ZNF24: variants seen among roughly 807,000 people sequenced by gnomAD.
ZNF24 encodes retinoic acid suppression protein A.
In ZNF24, 11 loss-of-function variants were observed where a neutral mutation model predicts 40.9. That is an observed-to-expected ratio of 0.27 (90% confidence interval 0.17 to 0.45). The LOEUF is 0.45. Ranked by LOEUF, ZNF24 falls within the 20% of genes least tolerant of loss-of-function variation. The pLI is 1.00. For synonymous variants in ZNF24, 139 were observed against 154.7 expected, an observed-to-expected ratio of 0.90 and a Z score of 0.75; for missense variants, 293 against 437.7, an observed-to-expected ratio of 0.67 and a Z score of 2.95.
At position 35,340,559 on chromosome 18, in the gene ZNF24, T is replaced by G; in HGVS notation, c.92A>C (p.Asp31Ala). The stretch of plus-strand genomic sequence containing the variant: ...ACTTGATCCCTCTTCGCCATCAGGA[T>G]CCTCCTCCAACTTCACTCTCAGAAT... ...EKILRVKLEE[D>A]PDGEEGSSIP... The change falls in exon 2 of 4, where the codon GAT becomes GCT. Residue 31 changes from aspartate (D) to alanine (A), a missense_variant. By Grantham distance (126) the Asp-to-Ala change is moderately radical (BLOSUM62 -2). Transcript: ENST00000261332. This position sits in a 1 kb window ranked among gnomAD's most constrained non-coding sequence, Gnocchi z 4.6. 6.2e-7 allele frequency: 1 copy of G among 1,614,220 alleles called. No individual in the cohort carries two copies. Among genetic ancestry groups the G allele is most frequent in the Non-Finnish European group, 8.5e-7 (1 of 1,180,046 alleles).
chr18:35,339,013 C>T, intron 3 of ZNF24: 1 of 1,535,408 alleles, frequency 6.5e-7, no homozygotes, highest in South Asian at 1.2e-5. Flanking sequence ...TGAAGAAAAC[C>T]TGCTCAGACC....
chr18:35,340,703 G>C lies in ZNF24; in HGVS notation c.-53C>G. ...CAACTGAGGCAGAATATAAGCCTCA[G>C]GGCAATACCCCGTTTTCTTCACAGG... On this transcript the variant is annotated 5_prime_UTR_variant, in exon 2 of 4. Coordinates refer to ENST00000261332, the MANE Select transcript of ZNF24 (RefSeq NM_006965.4). The surrounding 1 kb of genome is among the most constrained non-coding windows in gnomAD (Gnocchi z 4.6). The C allele has an allele frequency of 2.6e-6, 4 of 1,539,848 alleles. No individual in the cohort carries two copies. The highest frequency in any genetic ancestry group is 3.5e-6 in the Non-Finnish European group (4 of 1,140,538).
At position 35,336,545 on chromosome 18, in the gene ZNF24, TAG is replaced by T. The variant is rs369677711; in HGVS notation, c.*685_*686del. ...TCATTAGTAAGATGACTCCAAATTA[TAG>T]AGAGGATGAGTAGCTTTTGAATTTT... On this transcript the variant is annotated 3_prime_UTR_variant, in exon 4 of 4. Transcript: ENST00000261332. 20 of 152,326 alleles carry T rather than the reference TAG, an allele frequency of 1.3e-4. No individual in the cohort carries two copies. The South Asian group carries it at 1.4e-3, about 11-fold the overall frequency. The allele number at this position is 152,326 out of a possible 1,614,324, so 9.4% of individuals were successfully genotyped here.
intron 3 of ZNF24, chr18:35,338,318 G>T (rs1359419411): frequency 1.0e-6 from 1 of 985,482 alleles, no homozygotes; most frequent in Non-Finnish European, 1.2e-6. Context: ...TAAGCTGGGG[G>T]CCTCCTGTGT....
Position 35,337,249 on chromosome 18 carries a change from T to C in ZNF24, c.1090A>G (p.Asn364Asp). The C allele has an allele frequency of 3.4e-6, 5 of 1,453,292 alleles. No homozygotes were observed. Among genetic ancestry groups the C allele is most frequent in the Middle Eastern group, 3.7e-4 (2 of 5,378 alleles). 90.0% of individuals were successfully genotyped at this position (1,453,292 alleles called of 1,614,324 possible). ...TCAATTTCTTAAACTTTCACAACAT[T>C]CAGAAGTTTTTCTGCATTGTGTCTT... is the stretch of plus-strand genomic sequence containing the variant. ...QRRHNAEKLL[N>D]VVKV Residue 364 changes from asparagine (N) to aspartate (D), a missense_variant, in exon 4 of 4, where the codon AAT (asparagine) becomes GAT (aspartate). Transcript: ENST00000261332.
rs1220591016 is a variant in ZNF24, at chr18:35,332,881, A to G, written c.*4351T>C. ...ACAGTAAACTATAAATGGCCAATAA[A>G]CATGAAAATAACCCCAATCTCACCA... On this transcript the variant is annotated 3_prime_UTR_variant, in exon 4 of 4. Coordinates refer to ENST00000261332, the MANE Select transcript of ZNF24 (RefSeq NM_006965.4). 6.6e-6 allele frequency: 1 copy of G among 151,358 alleles called. No homozygotes were observed. Among genetic ancestry groups the G allele is most frequent in the Non-Finnish European group, 1.5e-5 (1 of 68,036 alleles). 9.4% of individuals were successfully genotyped at this position (151,358 alleles called of 1,614,324 possible).
At chr18:35,341,805 G>A (rs966984825) in intron 1 of ZNF24, among the ~76,000 whole-genome samples, 6 of 152,018 alleles carry the variant, frequency 3.9e-5, no homozygotes, top group Non-Finnish European at 8.8e-5. Context: ...GATCACTAAA[G>A]ACCAGGAGTT....
chr18:35,335,841 T>TCCA lies in ZNF24; in HGVS notation c.*1388_*1390dup. 6.6e-6 allele frequency: 1 copy of TCCA among 152,344 alleles called. No individual in the cohort carries two copies. Among genetic ancestry groups the TCCA allele is most frequent in the East Asian group, 1.9e-4 (1 of 5,194 alleles). 9.4% of individuals were successfully genotyped at this position (152,344 alleles called of 1,614,324 possible). A position where few individuals can be genotyped will look rare whatever the true frequency, so the allele number is the denominator to read the frequency against. Reference sequence around the variant, plus strand: ...GTTGTTTATTTTTTAAATAGAACAGTCCATTCAACTTAATATGTAGGTACA... The same window carrying TCCA: ...GTTGTTTATTTTTTAAATAGAACAGTCCACCATTCAACTTAATATGTAGGTACA... On this transcript the variant is annotated 3_prime_UTR_variant, in exon 4 of 4. Coordinates refer to ENST00000261332, the MANE Select transcript of ZNF24 (RefSeq NM_006965.4).
rs2044955195 is a variant in ZNF24 at position 35,340,296 on chromosome 18, T to C, written c.355A>G (p.Asn119Asp). 7 of 1,614,098 alleles carry C rather than the reference T, an allele frequency of 4.3e-6. No individual in the cohort carries two copies. The highest frequency in any genetic ancestry group is 5.9e-6 in the Non-Finnish European group (7 of 1,180,008). ...AGCACTGTCACTGCCTCCTCTCCAT[T>C]CTCTGGATGATGATCTCGAACCCAA... Reference protein sequence around the residue: ...QTWVRDHHPENGEEAVTVLED... With the variant: ...QTWVRDHHPEDGEEAVTVLED... Residue 119 changes from asparagine (N) to aspartate (D), a missense_variant, in exon 2 of 4, where the codon AAT (asparagine) becomes GAT (aspartate). Around this residue, in one of 2 missense-constraint regions of ZNF24, gnomAD observed 234 missense variants for 299.2 expected, o/e 0.78. Coordinates refer to ENST00000261332, the MANE Select transcript of ZNF24 (RefSeq NM_006965.4). This position sits in a 1 kb window ranked among gnomAD's most constrained non-coding sequence, Gnocchi z 4.6.
intron 1 of ZNF24, chr18:35,342,499 C>T (rs2044978660): frequency 6.6e-6 from 1 of 151,844 alleles, no homozygotes; most frequent in African/African-American, 2.4e-5. Context: ...AACTTCCAAT[C>T]CAGCGAGGTC....
Position 35,336,857 on chromosome 18 carries a change from A to G in ZNF24, c.*375T>C, listed in dbSNP as rs1288085556. The G allele has an allele frequency of 1.2e-5, 2 of 163,116 alleles. No homozygotes were observed. Among genetic ancestry groups the G allele is most frequent in the African/African-American group, 4.8e-5 (2 of 41,956 alleles). The allele number at this position is 163,116 out of a possible 1,614,324, so 10.1% of individuals were successfully genotyped here. ...CCTGTTGCCTTTTAATATATAAGGG[A>G]ATGTATCCATATAAAGAACATTTCA... On this transcript the variant is annotated 3_prime_UTR_variant, in exon 4 of 4. Transcript: ENST00000261332.
intron 3 of ZNF24, chr18:35,338,035 G>T: frequency 1.9e-6 from 1 of 535,874 alleles, no homozygotes; most frequent in Non-Finnish European, 2.6e-6. Flanking sequence ...AAAGATGGTA[G>T]ATTCTAAGAT....
intron 3 of ZNF24, chr18:35,338,312 CTGG>C: frequency 1.0e-6 from 1 of 985,506 alleles, no homozygotes; most frequent in Non-Finnish European, 1.2e-6. Flanking sequence ...TGAAGATAAG[CTGG>C]GGGCCTCCTG....
Position 35,340,037 on chromosome 18 carries a change from C to T in ZNF24, c.421-61G>A, listed in dbSNP as rs1042945181. The T allele has an allele frequency of 1.7e-5, 27 of 1,559,448 alleles. No individual in the cohort carries two copies. The highest frequency in any genetic ancestry group is 1.7e-4 in the Middle Eastern group (1 of 5,856). On this transcript the variant is annotated intron_variant, in intron 2 of 3. Transcript: ENST00000261332. This position sits in a 1 kb window ranked among gnomAD's most constrained non-coding sequence, Gnocchi z 4.6. ...GTAATGAGAATCAGAACTAAAAACA[C>T]GTAAGAGAAACCCCATGAAACAAAT...
Position 35,340,360 on chromosome 18 carries a change from C to T in ZNF24, c.291G>A (p.Leu97=), listed in dbSNP as rs758314225. The change falls in exon 2 of 4, where the codon CTG becomes CTA. Residue 97 remains leucine (L), a synonymous_variant. Coordinates refer to ENST00000261332, the MANE Select transcript of ZNF24 (RefSeq NM_006965.4). The surrounding 1 kb of genome is among the most constrained non-coding windows in gnomAD (Gnocchi z 4.6). ...TKEQILELVV[L]EQFVAILPKE... is the part of the protein sequence containing the mutation. ...TGGGTAGGATGGCAACAAACTGCTC[C>T]AGCACTACCAGCTCCAAGATTTGTT... 1.2e-6 allele frequency: 2 copies of T among 1,614,116 alleles called. No homozygotes were observed. Among genetic ancestry groups the T allele is most frequent in the Non-Finnish European group, 1.7e-6 (2 of 1,180,056 alleles).
At chr18:35,341,123 TTCACGCTACAATAGCAGAGTTGAG>T (rs1162828088) in intron 1 of ZNF24, among the ~76,000 whole-genome samples, 1 of 152,198 alleles carries the variant, frequency 6.6e-6, no homozygotes, top group African/African-American at 2.4e-5. Flanking sequence ...TTACTCATAC[TTCACGCTACAATAGCAGAGTTGAG>T]TAGTTTCAAC....
rs148053646 is a variant in ZNF24 at position 35,339,970 on chromosome 18, G to A, written c.427C>T (p.Leu143Phe). The A allele has an allele frequency of 1.8e-4, 292 of 1,607,796 alleles. 1 individual carries two copies. The East Asian group carries it at 6.1e-3, about 34-fold the overall frequency. The change falls in exon 3 of 4, where the codon CTC (leucine) becomes TTC (phenylalanine). Residue 143 changes from leucine to phenylalanine, a missense_variant. Coordinates refer to ENST00000261332, the MANE Select transcript of ZNF24 (RefSeq NM_006965.4). ...ELDDPGQPVS[L>F]RRRKREVLVE... ...AGTACTTCCCGTTTTCGTCGACGGA[G>A]AGAAACCTGGAAACAGAAAGATTTG...
chr18:35,339,717 A>G (rs2044947361), intron 3 of ZNF24, 112 bp downstream of exon 3: 2 of 934,738 alleles, frequency 2.1e-6, no homozygotes, highest in Admixed American at 2.9e-5. Flanking sequence ...AAAAACTGAG[A>G]TATTAGATTA....
Position 35,340,658 on chromosome 18 carries a change from TATA to T in ZNF24, c.-11_-9del, listed in dbSNP as rs1344992124. On this transcript the variant is annotated 5_prime_UTR_variant, in exon 2 of 4. Coordinates refer to ENST00000261332, the MANE Select transcript of ZNF24 (RefSeq NM_006965.4). This position sits in a 1 kb window ranked among gnomAD's most constrained non-coding sequence, Gnocchi z 4.6. Reference sequence around the variant, plus strand: ...CACTGACTGTGCAGACATTCTGATTTATAATATTTCAAGAAAAGACAACTGAGG... The same window carrying T: ...CACTGACTGTGCAGACATTCTGATTTATATTTCAAGAAAAGACAACTGAGG... The T allele has an allele frequency of 1.9e-6, 3 of 1,605,792 alleles. No homozygotes were observed. The African/African-American group carries it at 4.0e-5, about 22-fold the overall frequency.
Sources: allele counts gnomAD v4.1 joint callset (sites outside exome capture counted in the v4.1 genomes callset), GRCh38; gene constraint gnomAD v4.1.1; regional missense constraint gnomAD v4.1.1; non-coding constraint Gnocchi (gnomAD v3.1); transcripts MANE v1.5; gene names NCBI Gene and HGNC (gene_info 2026-07-23, HGNC 2026-07-21).